CLASP2: variants seen among roughly 807,000 people sequenced by gnomAD.
CLASP2 encodes the protein CLIP-associating protein 2.
A neutral mutation model predicts 194.4 loss-of-function variants in CLASP2; 47 were observed. That is an observed-to-expected ratio of 0.24 (90% CI 0.19 to 0.31). CLASP2 has a LOEUF of 0.31. CLASP2 is among the 10% of genes least tolerant of loss of function. CLASP2 has a pLI of 1.00. For missense variants in CLASP2, 1,445 were observed against 1,823.6 expected, an observed-to-expected ratio of 0.79 and a Z score of 3.78; for synonymous variants, 619 against 633.5, an observed-to-expected ratio of 0.98 and a Z score of 0.34.
chr3:33,616,899 A>C (rs1256558316), intron 12 of CLASP2, among the ~76,000 whole-genome samples: 2 of 151,530 alleles, frequency 1.3e-5, no homozygotes, highest in Non-Finnish European at 2.9e-5. Flanking sequence ...CATCACGCCC[A>C]GCTAATTTTT....
chr3:33,589,238 C>A (rs2068105930), intron 21 of CLASP2, among the ~76,000 whole-genome samples: 1 of 152,026 alleles, frequency 6.6e-6, no homozygotes, highest in Admixed American at 6.6e-5. Flanking sequence ...TGTATACAAC[C>A]AGCCACTACC....
intron 17 of CLASP2, 131 bp from the exon 18 acceptor site, chr3:33,603,256 T>A: frequency 2.2e-6 from 2 of 905,778 alleles, no homozygotes; most frequent in Non-Finnish European, 3.2e-6. Context: ...AAATGGACAG[T>A]ACTATTAAGC....
chr3:33,715,207 C>T lies in CLASP2; in HGVS notation c.195+2601G>A, dbSNP rs568476493. On this transcript the variant is annotated intron_variant, in intron 1 of 38. Transcript: ENST00000682230. The stretch of plus-strand genomic sequence containing the variant: ...AGTAGAGTCTCATAATCATTTCATA[C>T]CATGTTGATTTACAAGCACATGCTA... 7.9e-5 allele frequency among the ~76,000 whole-genome samples: 12 copies of T among 152,328 alleles called. No homozygotes were observed. In the South Asian group the frequency reaches 2.5e-3, roughly 32 times the overall value.
Position 33,560,868 on chromosome 3 carries a change from A to C in CLASP2, c.2870T>G (p.Met957Arg). ...FVLLTQLLKK[M>R]GADLLGSVQA... ...AACAGATCCAAGCAAATCAGCACCC[A>C]TTTTTTTTAGTAGTTGTGTCAGCAG... is the stretch of plus-strand genomic sequence containing the variant. Residue 957 changes from methionine to arginine, a missense_variant, in exon 28 of 39, where the codon ATG (methionine) becomes AGG (arginine). Met to Arg is a moderately conservative substitution (Grantham distance 91, BLOSUM62 -1). Coordinates refer to ENST00000682230, the MANE Select transcript of CLASP2 (RefSeq NM_001365631.1). The C allele has an allele frequency of 6.2e-7, 1 of 1,613,164 alleles. No individual in the cohort carries two copies. Among genetic ancestry groups the C allele is most frequent in the Non-Finnish European group, 8.5e-7 (1 of 1,179,336 alleles).
intron 8 of CLASP2, among the ~76,000 whole-genome samples, chr3:33,635,652 A>C (rs552376745): frequency 6.6e-6 from 1 of 152,350 alleles, no homozygotes; most frequent in South Asian, 2.1e-4. Context: ...ATCAAAGGGG[A>C]AGGTAGAAAC....
At chr3:33,525,996 G>A (rs372553245) in intron 34 of CLASP2, among the ~76,000 whole-genome samples, 4 of 152,202 alleles carry the variant, frequency 2.6e-5, no homozygotes, top group Non-Finnish European at 2.9e-5. Flanking sequence ...GCTTTATAGA[G>A]TTTGATCTGA....
At chr3:33,679,186 A>G (rs778838946) in intron 6 of CLASP2, among the ~76,000 whole-genome samples, 1 of 152,200 alleles carries the variant, frequency 6.6e-6, no homozygotes, top group Non-Finnish European at 1.5e-5. Context: ...GACATTCACA[A>G]ACAAAAACAT....
chr3:33,621,415 G>T (rs1382998485), intron 11 of CLASP2, among the ~76,000 whole-genome samples: 1 of 152,110 alleles, frequency 6.6e-6, no homozygotes, highest in Non-Finnish European at 1.5e-5. Context: ...ACTGGGACTT[G>T]TATCTTGCAA....
rs981476283 is a variant in CLASP2 at position 33,644,752 on chromosome 3, A to G, written c.862+5T>C. 6.2e-7 allele frequency: 1 copy of G among 1,612,736 alleles called. No homozygotes were observed. Among genetic ancestry groups the G allele is most frequent in the African/African-American group, 1.3e-5 (1 of 74,896 alleles). ...CATAACAGATTTGAAATGGATTTAC[A>G]TTACCTCCAACCTTAGGGCCACCTG... On this transcript the variant is annotated splice_donor_5th_base_variant and intron_variant, in intron 8 of 38. Coordinates refer to ENST00000682230, the MANE Select transcript of CLASP2 (RefSeq NM_001365631.1).
At chr3:33,547,258 G>A (rs1288782887) in intron 30 of CLASP2, among the ~76,000 whole-genome samples, 1 of 152,154 alleles carries the variant, frequency 6.6e-6, no homozygotes, top group East Asian at 1.9e-4. Context: ...TAGTGAATAA[G>A]TCTCATGAGA....
chr3:33,505,922 C>T (rs1173448731), intron 37 of CLASP2, among the ~76,000 whole-genome samples: 1 of 151,922 alleles, frequency 6.6e-6, no homozygotes, highest in Admixed American at 6.6e-5. Context: ...AGGCAACTCA[C>T]CACCTAAAAC....
intron 37 of CLASP2, chr3:33,504,453 C>G (rs1325324398): frequency 6.6e-6 from 1 of 152,132 alleles, no homozygotes; most frequent in African/African-American, 2.4e-5. Context: ...GGGGTCAAAA[C>G]AAAACAAGAC....
chr3:33,581,851 T>C lies in CLASP2; in HGVS notation c.2317A>G (p.Thr773Ala), dbSNP rs779165122. The C allele has an allele frequency of 5.6e-6, 9 of 1,613,536 alleles. No homozygotes were observed. Among genetic ancestry groups the C allele is most frequent in the Non-Finnish European group, 5.9e-6 (7 of 1,179,726 alleles). The change falls in exon 23 of 39, where the codon ACA (threonine) becomes GCA (alanine). Residue 773 changes from threonine (T) to alanine (A), a missense_variant. This residue lies in a region of CLASP2 where 732 missense variants were observed against 987.9 expected (regional missense o/e 0.74). Transcript: ENST00000682230. ...REASRESSRD[T>A]SPVRSFQPLG... ...GGCTGAAAAGAGCGAACAGGACTTG[T>C]GTCTCTGCTGCTCTCCCGACTAGCT...
chr3:33,608,653 T>C, intron 13 of CLASP2, 27 bp from the exon 14 acceptor site: 1 of 1,494,130 alleles, frequency 6.7e-7, no homozygotes, highest in Non-Finnish European at 9.2e-7. Context: ...GAATGATAAC[T>C]AAATGTTGTA....
At position 33,496,720 on chromosome 3, in the gene CLASP2, A is replaced by T. The variant is rs1157163590; in HGVS notation, c.*1911T>A. 1.3e-5 allele frequency: 2 copies of T among 152,194 alleles called. No homozygotes were observed. Among genetic ancestry groups the T allele is most frequent in the African/African-American group, 4.8e-5 (2 of 41,468 alleles). The allele number at this position is 152,194 out of a possible 1,614,324, so 9.4% of individuals were successfully genotyped here. ...AGGTCAAAATTAAATCAATATTTTGATTCGAAATGATTACAAACATATCCA... is the reference window on the plus strand; with the variant it reads ...AGGTCAAAATTAAATCAATATTTTGTTTCGAAATGATTACAAACATATCCA... On this transcript the variant is annotated 3_prime_UTR_variant, in exon 39 of 39. Coordinates refer to ENST00000682230, the MANE Select transcript of CLASP2 (RefSeq NM_001365631.1).
At chr3:33,707,116 G>A (rs948624141) in intron 1 of CLASP2, among the ~76,000 whole-genome samples, 1 of 152,186 alleles carries the variant, frequency 6.6e-6, no homozygotes, top group African/African-American at 2.4e-5. Flanking sequence ...AAGATCAAGA[G>A]CTTCTTGGAG....
At chr3:33,714,852 G>A (rs1333163640) in intron 1 of CLASP2, among the ~76,000 whole-genome samples, 2 of 152,070 alleles carry the variant, frequency 1.3e-5, no homozygotes, top group Admixed American at 1.3e-4. Context: ...TGGGACTACA[G>A]GCATAAGCCA....
At chr3:33,541,013 T>A (rs2154143259) in intron 32 of CLASP2, among the ~76,000 whole-genome samples, 1 of 152,298 alleles carries the variant, frequency 6.6e-6, no homozygotes, top group Middle Eastern at 3.4e-3. Flanking sequence ...CCTCAAGTGA[T>A]CTGCCCACCT....
intron 34 of CLASP2, among the ~76,000 whole-genome samples, chr3:33,533,182 T>C (rs13083216): frequency 0.26 from 39,894 of 152,068 alleles, 5,835 homozygotes; most frequent in Admixed American, 0.38. Flanking sequence ...TGCTACTACA[T>C]AGTATTCAAT....
Sources: allele counts gnomAD v4.1 joint callset (sites outside exome capture counted in the v4.1 genomes callset), GRCh38; gene constraint gnomAD v4.1.1; regional missense constraint gnomAD v4.1.1; transcripts MANE v1.5; gene names NCBI Gene and HGNC (gene_info 2026-07-23, HGNC 2026-07-21).